Variants in FBXL7 observed in about 807,000 individuals in gnomAD.
FBXL7 encodes the protein F-box and leucine rich repeat protein 7.
Under a neutral mutation model 38.3 loss-of-function variants are expected in FBXL7, and 12 were observed. The ratio of observed to expected loss-of-function variants is 0.31; its 90% CI spans 0.20 to 0.51. The LOEUF (loss-of-function observed/expected upper bound fraction) is 0.51. FBXL7 is among the 20% of genes least tolerant of loss of function. The pLI is 0.98. For missense variants in FBXL7, 567 were observed against 676.4 expected (o/e 0.84, Z 1.79); for synonymous variants, 297 against 300.9 (o/e 0.99, Z 0.13).
chr5:15,803,718 A>G, intron 2 of FBXL7, among the ~76,000 whole-genome samples: 1 of 152,286 alleles, frequency 6.6e-6, no homozygotes, highest in East Asian at 1.9e-4. Context: ...TTTGGAAATA[A>G]TTAGGGATGA....
intron 2 of FBXL7, among the ~76,000 whole-genome samples, chr5:15,901,740 C>T (rs1247238371): frequency 6.6e-6 from 1 of 152,172 alleles, no homozygotes; most frequent in Non-Finnish European, 1.5e-5. Flanking sequence ...TTGATTCATA[C>T]ATAGCACAGT....
chr5:15,697,540 C>T lies in FBXL7; in HGVS notation c.127+81468C>T, dbSNP rs545774404. ...ATGACCATAGTGTGTAGGGATAATA[C>T]GTTGAATGGGCAGAGAGACTATTTC... On this transcript the variant is annotated intron_variant, in intron 2 of 3. Transcript: ENST00000504595. 2.0e-4 allele frequency among the ~76,000 whole-genome samples: 31 copies of T among 151,762 alleles called. No homozygotes were observed. The South Asian group carries it at 2.9e-3, about 14-fold the overall frequency.
intron 1 of FBXL7, among the ~76,000 whole-genome samples, chr5:15,523,653 T>C (rs1209261073): frequency 2.6e-5 from 4 of 152,188 alleles, no homozygotes; most frequent in African/African-American, 9.7e-5. Flanking sequence ...GAAGGCTGCT[T>C]CTGTCTTCTT....
At chr5:15,801,666 CGTGT>C (rs148260016) in intron 2 of FBXL7, among the ~76,000 whole-genome samples, 8 of 141,298 alleles carry the variant, frequency 5.7e-5, no homozygotes, top group East Asian at 2.0e-4. Flanking sequence ...TGCGCGCGCG[CGTGT>C]GTGTGTGTTT....
chr5:15,647,127 A>G (rs1034808625), intron 2 of FBXL7, among the ~76,000 whole-genome samples: 5 of 152,240 alleles, frequency 3.3e-5, no homozygotes, highest in South Asian at 4.1e-4. Flanking sequence ...AATAATTCCA[A>G]TGTATCTGTG....
chr5:15,698,529 G>A (rs1397240210), intron 2 of FBXL7, among the ~76,000 whole-genome samples: 2 of 152,120 alleles, frequency 1.3e-5, no homozygotes, highest in Non-Finnish European at 1.5e-5. Context: ...ATCTATTTTT[G>A]TAATGTAGAA....
chr5:15,705,347 G>A (rs1743648622), intron 2 of FBXL7, among the ~76,000 whole-genome samples: 1 of 152,176 alleles, frequency 6.6e-6, no homozygotes, highest in Non-Finnish European at 1.5e-5. Flanking sequence ...TAATGAATGT[G>A]AGGGTAATCC....
intron 2 of FBXL7, among the ~76,000 whole-genome samples, chr5:15,923,619 T>A (rs1250767324): frequency 2.0e-5 from 3 of 152,160 alleles, no homozygotes; most frequent in Non-Finnish European, 4.4e-5. Context: ...TCTCTGTACT[T>A]TTTACTTGTC....
chr5:15,543,002 G>A (rs1737798723), intron 1 of FBXL7, among the ~76,000 whole-genome samples: 1 of 152,168 alleles, frequency 6.6e-6, no homozygotes, highest in Admixed American at 6.5e-5. Context: ...TAAGGTTCCT[G>A]AGCAGTGAAG....
intron 2 of FBXL7, among the ~76,000 whole-genome samples, chr5:15,917,639 AG>A (rs1741620141): frequency 7.4e-6 from 1 of 135,134 alleles, no homozygotes; most frequent in East Asian, 2.1e-4. Context: ...AAGTAAAGGA[AG>A]GGAGGGAAGG....
chr5:15,845,100 C>A (rs1208134851), intron 2 of FBXL7, among the ~76,000 whole-genome samples: 1 of 152,262 alleles, frequency 6.6e-6, no homozygotes, highest in Non-Finnish European at 1.5e-5. Flanking sequence ...ACTTTCTCTT[C>A]TGCCTTGCAC....
intron 2 of FBXL7, among the ~76,000 whole-genome samples, chr5:15,716,301 C>T (rs901165534): frequency 7.9e-5 from 12 of 152,304 alleles, no homozygotes; most frequent in African/African-American, 2.9e-4. Context: ...GATTCTTCCT[C>T]GGGTCTCTAT....
chr5:15,614,685 G>T, intron 1 of FBXL7, among the ~76,000 whole-genome samples: 1 of 152,168 alleles, frequency 6.6e-6, no homozygotes, highest in East Asian at 1.9e-4. Context: ...GCATTAGCTG[G>T]ATCTTTTGTT....
At position 15,500,509 on chromosome 5, in the gene FBXL7, C is replaced by T; in HGVS notation, c.-168C>T. ...GGTGCCAGGAGGGGACGCAGCACCC[C>T]CTCCCACTGGAGTGCGGGGACCTCT... is the stretch of plus-strand genomic sequence containing the variant. On this transcript the variant is annotated 5_prime_UTR_variant, in exon 1 of 4. Transcript: ENST00000504595. 2.3e-6 allele frequency: 2 copies of T among 872,216 alleles called. No individual in the cohort carries two copies. The highest frequency in any genetic ancestry group is 3.8e-6 in the Non-Finnish European group (2 of 521,486). The allele number at this position is 872,216 out of a possible 1,614,324, so 54.0% of individuals were successfully genotyped here.
At chr5:15,653,791 A>C (rs73058360) in intron 2 of FBXL7, among the ~76,000 whole-genome samples, 1 of 152,166 alleles carries the variant, frequency 6.6e-6, no homozygotes, top group African/African-American at 2.4e-5. Context: ...TGTTTTATTC[A>C]TTTGTCCTCA....
chr5:15,842,404 C>A (rs1180697250), intron 2 of FBXL7, among the ~76,000 whole-genome samples: 1 of 152,214 alleles, frequency 6.6e-6, no homozygotes, highest in East Asian at 1.9e-4. Context: ...TGGGAAGTAA[C>A]TAACTTTCTT....
chr5:15,649,961 G>C (rs115176036), intron 2 of FBXL7, among the ~76,000 whole-genome samples: 9 of 152,226 alleles, frequency 5.9e-5, no homozygotes, highest in South Asian at 4.1e-4. Context: ...AGCAGTGCTC[G>C]TATTGATAGA....
intron 1 of FBXL7, among the ~76,000 whole-genome samples, chr5:15,596,024 C>T (rs1055098449): frequency 3.9e-5 from 6 of 152,170 alleles, no homozygotes; most frequent in Non-Finnish European, 7.3e-5. Context: ...AAGGGGACAT[C>T]GCAGTCCTAA....
At chr5:15,868,728 C>A (rs1739823707) in intron 2 of FBXL7, among the ~76,000 whole-genome samples, 1 of 152,146 alleles carries the variant, frequency 6.6e-6, no homozygotes, top group South Asian at 2.1e-4. Flanking sequence ...CTACATGACA[C>A]AATCTCACCT....
Sources: allele counts gnomAD v4.1 joint callset (sites outside exome capture counted in the v4.1 genomes callset), GRCh38; gene constraint gnomAD v4.1.1; transcripts MANE v1.5; gene names NCBI Gene and HGNC (gene_info 2026-07-23, HGNC 2026-07-21).